Variants in TNRC6C observed in about 807,000 individuals in gnomAD.
TNRC6C encodes trinucleotide repeat containing adaptor 6C.
In TNRC6C, 20 loss-of-function variants were observed where a neutral mutation model predicts 153.7. That is an observed-to-expected ratio of 0.13 (90% CI 0.09 to 0.19). The LOEUF is 0.19. Among genes scored for constraint, TNRC6C ranks in the 10% least tolerant of loss-of-function variants. The pLI, the probability that TNRC6C is intolerant of heterozygous loss-of-function variation, is 1.00. For synonymous variants in TNRC6C, 811 were observed against 841.4 expected, an observed-to-expected ratio of 0.96 and a Z score of 0.63; for missense variants, 1,987 against 2,172.0, an observed-to-expected ratio of 0.91 and a Z score of 1.69.
At position 78,019,191 on chromosome 17, in the gene TNRC6C, A is replaced by G. The variant is rs139997187; in HGVS notation, c.-545-12325A>G. ...AATGGCTAGGAAAGAAGCAGAGAGA[A>G]TGGGGTTGCAGCCAGGACTTGAAAA... On this transcript the variant is annotated intron_variant, in intron 1 of 19. Transcript: ENST00000301624. Among the ~76,000 whole-genome samples, 76 of 152,304 alleles carry G rather than the reference A, an allele frequency of 5.0e-4. No individual in the cohort carries two copies. In the East Asian group the frequency reaches 0.014, roughly 27 times the overall value.
At chr17:77,997,548 C>A (rs940256332) in intron 1 of TNRC6C, among the ~76,000 whole-genome samples, 1 of 152,184 alleles carries the variant, frequency 6.6e-6, no homozygotes, top group African/African-American at 2.4e-5. Context: ...GTCTGCACTT[C>A]ATTGAAACCA....
chr17:78,102,583 G>A (rs776617298), intron 18 of TNRC6C, 39 bp downstream of exon 21: 13 of 1,570,738 alleles, frequency 8.3e-6, no homozygotes, highest in Middle Eastern at 3.4e-4. Context: ...GCATGATCCA[G>A]GGAGGGTTCC....
chr17:78,067,410 T>A (rs187665600), intron 4 of TNRC6C, among the ~76,000 whole-genome samples: 1 of 152,310 alleles, frequency 6.6e-6, no homozygotes, highest in Non-Finnish European at 1.5e-5. Context: ...GAATCTACAT[T>A]TCTGTAGCCT....
intron 1 of TNRC6C, among the ~76,000 whole-genome samples, chr17:78,019,428 G>A (rs1192750541): frequency 6.6e-6 from 1 of 152,204 alleles, no homozygotes; most frequent in African/African-American, 2.4e-5. Flanking sequence ...CAAAATGTGG[G>A]AATCTCTCTA....
chr17:77,997,743 G>A (rs896979413), intron 1 of TNRC6C, among the ~76,000 whole-genome samples: 4 of 151,502 alleles, frequency 2.6e-5, no homozygotes, highest in Admixed American at 2.0e-4. Context: ...TGCAAGCTCC[G>A]CCTCCTGGGT....
intron 2 of TNRC6C, among the ~76,000 whole-genome samples, chr17:78,045,194 A>G (rs2072382351): frequency 6.6e-6 from 1 of 152,214 alleles, no homozygotes; most frequent in Non-Finnish European, 1.5e-5. Flanking sequence ...AAAGTTATTT[A>G]CAGTAATCCA....
At chr17:78,085,851 T>TC (rs1319162038) in intron 11 of TNRC6C, among the ~76,000 whole-genome samples, 1 of 151,994 alleles carries the variant, frequency 6.6e-6, no homozygotes, top group East Asian at 1.9e-4. Context: ...TGTTTTTTTT[T>TC]TTTAAGTTTC....
chr17:78,004,505 C>T (rs2071463011), upstream of TNRC6C, among the ~76,000 whole-genome samples: 1 of 152,172 alleles, frequency 6.6e-6, no homozygotes, highest in Admixed American at 6.5e-5. Flanking sequence ...GTTTTAGTTG[C>T]TGGTGGTGAA....
chr17:78,086,445 C>T (rs2073291587), intron 11 of TNRC6C, 58 bp from the exon 14 acceptor site: 1 of 1,445,076 alleles, frequency 6.9e-7, no homozygotes, highest in South Asian at 1.2e-5. Context: ...AAAGTTGAAC[C>T]ATTAGTTCAA....
chr17:78,086,748 A>G, intron 12 of TNRC6C, 105 bp from the exon 15 acceptor site: 3 of 1,573,406 alleles, frequency 1.9e-6, no homozygotes, highest in Non-Finnish European at 2.6e-6. Context: ...TGGCCTAGCC[A>G]GTAGTGGCCT....
chr17:77,992,537 G>C (rs2071267631), intron 1 of TNRC6C, among the ~76,000 whole-genome samples: 1 of 152,000 alleles, frequency 6.6e-6, no homozygotes, highest in Non-Finnish European at 1.5e-5. Context: ...AAAACCACTG[G>C]GAACGTTCAC....
chr17:78,020,131 T>A lies in TNRC6C; in HGVS notation c.-545-11385T>A, dbSNP rs189855133. On this transcript the variant is annotated intron_variant, in intron 1 of 19. Coordinates refer to ENST00000301624, the Ensembl canonical transcript of TNRC6C. ...GAGACCCAGAGGTGTACAGCTCAACTGGGTCAGAATTCCGCATTCCTCTGT... is the reference window on the plus strand; with the variant it reads ...GAGACCCAGAGGTGTACAGCTCAACAGGGTCAGAATTCCGCATTCCTCTGT... Among the ~76,000 whole-genome samples the A allele has an allele frequency of 1.4e-3, 218 of 152,344 alleles. 1 individual carries two copies. Among genetic ancestry groups the A allele is most frequent in the African/African-American group, 4.4e-3 (183 of 41,574 alleles).
intron 1 of TNRC6C, among the ~76,000 whole-genome samples, chr17:78,021,910 A>C (rs2071839806): frequency 6.6e-6 from 1 of 152,234 alleles, no homozygotes. Context: ...AACAATACCT[A>C]CATAAGACTT....
intron 16 of TNRC6C, among the ~76,000 whole-genome samples, chr17:78,095,677 G>A (rs1317437073): frequency 6.6e-6 from 1 of 152,164 alleles, no homozygotes; most frequent in Admixed American, 6.5e-5. Flanking sequence ...TGTGTTTAGG[G>A]ATACATTAGG....
intron 10 of TNRC6C, among the ~76,000 whole-genome samples, chr17:78,082,207 A>C (rs4789529): frequency 0.17 from 24,756 of 149,708 alleles, 2,314 homozygotes; most frequent in East Asian, 0.34. Flanking sequence ...CCGCCTTCTG[A>C]TCCTGTGATG....
intron 17 of TNRC6C, among the ~76,000 whole-genome samples, chr17:78,100,515 A>G (rs953276746): frequency 2.0e-5 from 3 of 152,182 alleles, no homozygotes; most frequent in East Asian, 1.9e-4. Flanking sequence ...TTCAGTCACA[A>G]CTGGAGCGGC....
intron 1 of TNRC6C, among the ~76,000 whole-genome samples, chr17:77,995,887 A>G (rs1219928044): frequency 6.6e-6 from 1 of 152,220 alleles, no homozygotes; most frequent in African/African-American, 2.4e-5. Context: ...AGCATGGGCA[A>G]CACAGCAAGA....
intron 3 of TNRC6C, among the ~76,000 whole-genome samples, chr17:78,054,543 T>A (rs868661801): frequency 1.3e-5 from 2 of 151,898 alleles, no homozygotes; most frequent in Admixed American, 1.3e-4. Context: ...TGCAGAGCAC[T>A]GTACATCACT....
At chr17:77,992,040 T>G (rs1348062273) in intron 1 of TNRC6C, among the ~76,000 whole-genome samples, 2 of 152,224 alleles carry the variant, frequency 1.3e-5, no homozygotes, top group Non-Finnish European at 2.9e-5. Flanking sequence ...AATGAAGTCA[T>G]CTATTTGAAA....
Sources: allele counts gnomAD v4.1 joint callset (sites outside exome capture counted in the v4.1 genomes callset), GRCh38; gene constraint gnomAD v4.1.1; transcripts MANE v1.5; gene names NCBI Gene and HGNC (gene_info 2026-07-23, HGNC 2026-07-21).